The following C8orf34 variants were observed in gnomAD, a reference collection of about 807,000 sequenced individuals.
C8orf34 encodes the protein chromosome 8 open reading frame 34.
C8orf34 carries 65 observed loss-of-function variants against 68.3 expected under a neutral mutation model. That is an observed-to-expected ratio of 0.95 (90% CI 0.78 to 1.17). The LOEUF is 1.17. Ranked by LOEUF, C8orf34 falls within the 50% of genes most tolerant of loss-of-function variation. The probability of loss-of-function intolerance (pLI) is 0.00; values close to 1 mark genes in which losing one functional copy is unlikely to be tolerated. For synonymous variants in C8orf34, 244 were observed against 241.2 expected (o/e 1.01, Z -0.11); for missense variants, 664 against 655.4 (o/e 1.01, Z -0.14).
At chr8:68,595,600 T>A (rs1362128877) in intron 7 of C8orf34, among the ~76,000 whole-genome samples, 4 of 152,112 alleles carry the variant, frequency 2.6e-5, no homozygotes, top group African/African-American at 9.6e-5. Context: ...ATTCCCCTGA[T>A]AAATCATTTG....
rs1459819840 is a variant in C8orf34 at position 68,418,928 on chromosome 8, C to T, written c.328-20571C>T. ...TTCAGGACATAGGCATGGGCAAGGA[C>T]TTCATGTCTAAAACACCAAAAGCAA... On this transcript the variant is annotated intron_variant, in intron 1 of 13. Coordinates refer to ENST00000518698, the MANE Select transcript of C8orf34 (RefSeq NM_052958.4). Among the ~76,000 whole-genome samples the T allele has an allele frequency of 7.3e-5, 11 of 150,228 alleles. No homozygotes were observed. The South Asian group carries it at 2.1e-3, about 29-fold the overall frequency.
intron 11 of C8orf34, 113 bp downstream of exon 11, chr8:68,776,562 C>A: frequency 1.3e-6 from 1 of 766,504 alleles, no homozygotes; most frequent in Non-Finnish European, 2.1e-6. Flanking sequence ...TGTATGTGTT[C>A]AATGGTCATG....
intron 8 of C8orf34, among the ~76,000 whole-genome samples, chr8:68,667,666 A>G (rs568003758): frequency 6.6e-6 from 1 of 152,312 alleles, no homozygotes; most frequent in South Asian, 2.1e-4. Flanking sequence ...AAGATTCTGT[A>G]TTCTAGATCT....
intron 8 of C8orf34, among the ~76,000 whole-genome samples, chr8:68,649,282 A>G (rs1454974889): frequency 2.0e-5 from 3 of 152,214 alleles, no homozygotes; most frequent in Admixed American, 6.5e-5. Context: ...GCATTTATCT[A>G]GCATTACTCT....
At chr8:68,740,807 T>C (rs948140431) in intron 10 of C8orf34, among the ~76,000 whole-genome samples, 1 of 152,242 alleles carries the variant, frequency 6.6e-6, no homozygotes, top group East Asian at 1.9e-4. Flanking sequence ...ATATTTACAA[T>C]AGCAAAGACA....
chr8:68,344,231 T>TA (rs994487230), intron 1 of C8orf34, among the ~76,000 whole-genome samples: 3 of 152,014 alleles, frequency 2.0e-5, no homozygotes, highest in South Asian at 2.1e-4. Context: ...ATTCAGCAGT[T>TA]AAAAAAAATA....
intron 5 of C8orf34, 35 bp from the exon 6 acceptor site, chr8:68,521,764 C>G: frequency 6.5e-7 from 1 of 1,549,448 alleles, no homozygotes; most frequent in Non-Finnish European, 8.7e-7. Context: ...TAAGAAAAAG[C>G]CATCTAAGAC....
At chr8:68,734,050 A>G (rs1822058270) in intron 10 of C8orf34, among the ~76,000 whole-genome samples, 2 of 152,168 alleles carry the variant, frequency 1.3e-5, no homozygotes, top group African/African-American at 4.8e-5. Flanking sequence ...AAGTATTTGC[A>G]TTCCAGTAGT....
chr8:68,625,389 G>A, intron 7 of C8orf34: 1 of 472,334 alleles, frequency 2.1e-6, no homozygotes, highest in Non-Finnish European at 3.8e-6. Flanking sequence ...TGGGAAGTGA[G>A]ATGAGGTTGT....
Position 68,668,321 on chromosome 8 carries a change from G to A in C8orf34, c.1241+27810G>A, listed in dbSNP as rs570544813. Among the ~76,000 whole-genome samples the A allele has an allele frequency of 8.5e-5, 13 of 152,152 alleles. 1 individual carries two copies. In the South Asian group the frequency reaches 2.7e-3, roughly 32 times the overall value. ...GGAGGATTTAGGGGAGTTTATATTG[G>A]AAAAGAATAAATAGAGTTATGCATA... On this transcript the variant is annotated intron_variant, in intron 8 of 13. Coordinates refer to ENST00000518698, the MANE Select transcript of C8orf34 (RefSeq NM_052958.4).
intron 5 of C8orf34, among the ~76,000 whole-genome samples, chr8:68,521,141 A>G (rs1038141865): frequency 4.6e-5 from 7 of 152,224 alleles, no homozygotes; most frequent in Non-Finnish European, 1.0e-4. Flanking sequence ...CTAGATTATA[A>G]GTATTGCTTT....
intron 1 of C8orf34, among the ~76,000 whole-genome samples, chr8:68,416,489 A>G (rs1009423182): frequency 1.3e-5 from 2 of 151,604 alleles, no homozygotes; most frequent in African/African-American, 2.4e-5. Context: ...CATATGAATT[A>G]GTATTTTATT....
In C8orf34 at chr8:68,568,695, C is replaced by G. The variant is rs933388371; in HGVS notation, c.1105+35546C>G. On this transcript the variant is annotated intron_variant, in intron 7 of 13. Transcript: ENST00000518698. ...ATGAAGGCCCATAAGTTTTCATAAC[C>G]CTTTGTTGAAACATATTTATATAAG... Among the ~76,000 whole-genome samples the G allele has an allele frequency of 2.0e-5, 3 of 151,982 alleles. No individual in the cohort carries two copies. The East Asian group carries it at 5.8e-4, about 29-fold the overall frequency.
intron 4 of C8orf34, among the ~76,000 whole-genome samples, chr8:68,475,067 ACTTT>A (rs1812547636): frequency 6.6e-6 from 1 of 151,990 alleles, no homozygotes; most frequent in Non-Finnish European, 1.5e-5. Flanking sequence ...ATTGCTTATG[ACTTT>A]CTTTATGCAC....
chr8:68,587,216 T>C (rs1005433843), intron 7 of C8orf34, among the ~76,000 whole-genome samples: 1 of 152,130 alleles, frequency 6.6e-6, no homozygotes, highest in Non-Finnish European at 1.5e-5. Context: ...GGATTTCTTT[T>C]TTGAGGATGA....
At chr8:68,527,109 C>A (rs1815031186) in intron 6 of C8orf34, among the ~76,000 whole-genome samples, 1 of 152,178 alleles carries the variant, frequency 6.6e-6, no homozygotes, top group Admixed American at 6.5e-5. Flanking sequence ...CATCAGGCCT[C>A]TTTTTGTACA....
chr8:68,353,680 T>C (rs1352354302), intron 1 of C8orf34, among the ~76,000 whole-genome samples: 1 of 148,786 alleles, frequency 6.7e-6, no homozygotes, highest in Non-Finnish European at 1.5e-5. Flanking sequence ...TCTTGGGTTC[T>C]GCATCTGTGG....
chr8:68,473,275 A>C (rs979518257), intron 4 of C8orf34, among the ~76,000 whole-genome samples: 2 of 152,106 alleles, frequency 1.3e-5, no homozygotes, highest in African/African-American at 4.8e-5. Flanking sequence ...GATTTTATAG[A>C]CAGGCTTGAG....
At chr8:68,522,299 T>C (rs1814789919) in intron 6 of C8orf34, among the ~76,000 whole-genome samples, 1 of 152,016 alleles carries the variant, frequency 6.6e-6, no homozygotes, top group South Asian at 2.1e-4. Flanking sequence ...CTGTTAAGAA[T>C]TGGAGAGGAG....
Sources: allele counts gnomAD v4.1 joint callset (sites outside exome capture counted in the v4.1 genomes callset), GRCh38; gene constraint gnomAD v4.1.1; transcripts MANE v1.5; gene names NCBI Gene and HGNC (gene_info 2026-07-23, HGNC 2026-07-21).